The following NRG3 variants were observed in gnomAD, a reference collection of about 807,000 sequenced individuals.
The protein encoded by NRG3 is neuregulin 3.
Under a neutral mutation model 66.9 loss-of-function variants are expected in NRG3, and 31 were observed. The ratio of observed to expected loss-of-function variants is 0.46; its 90% CI spans 0.35 to 0.63. The LOEUF is 0.63. Ranked by LOEUF, NRG3 falls within the 20% of genes least tolerant of loss-of-function variation. The probability of loss-of-function intolerance (pLI) is 0.00; values close to 1 mark genes in which losing one functional copy is unlikely to be tolerated. For missense variants in NRG3, 910 were observed against 878.9 expected, an observed-to-expected ratio of 1.04 and a Z score of -0.45; for synonymous variants, 393 against 359.4, an observed-to-expected ratio of 1.09 and a Z score of -1.06.
At position 82,586,325 on chromosome 10, in the gene NRG3, G is replaced by C. The variant is rs79738620; in HGVS notation, c.954-152252G>C. Among the ~76,000 whole-genome samples, 745 of 151,778 alleles carry C rather than the reference G, an allele frequency of 4.9e-3. 2 individuals are homozygous for C. The highest frequency in any genetic ancestry group is 7.4e-3 in the Non-Finnish European group (500 of 67,956). On this transcript the variant is annotated intron_variant, in intron 2 of 8. Coordinates refer to ENST00000372141, the MANE Select transcript of NRG3 (RefSeq NM_001010848.4). ...TTTATTATCCTTGGGAGAAGACAAG[G>C]AGAAGCTGTTGGCTGTTTGATGCTC...
intron 2 of NRG3, among the ~76,000 whole-genome samples, chr10:82,496,430 A>T (rs953184114): frequency 6.6e-6 from 1 of 152,128 alleles, no homozygotes; most frequent in Non-Finnish European, 1.5e-5. Context: ...CTCTTTTCCC[A>T]TTTAAAAATT....
chr10:81,939,483 A>G (rs1182565891), intron 1 of NRG3, among the ~76,000 whole-genome samples: 1 of 151,460 alleles, frequency 6.6e-6, no homozygotes, highest in African/African-American at 2.4e-5. Context: ...TCATATTTTC[A>G]TGTTCAGTCT....
At chr10:82,814,254 C>A (rs942794696) in intron 3 of NRG3, among the ~76,000 whole-genome samples, 14 of 152,152 alleles carry the variant, frequency 9.2e-5, no homozygotes, top group African/African-American at 3.4e-4. Flanking sequence ...ATTGAGTTAA[C>A]TTTGGCAAAC....
chr10:82,879,597 G>A (rs1842127120), intron 4 of NRG3, among the ~76,000 whole-genome samples: 1 of 151,134 alleles, frequency 6.6e-6, no homozygotes, highest in East Asian at 2.0e-4. Flanking sequence ...CTCAGCCTCT[G>A]GAGTAGGTGG....
intron 4 of NRG3, among the ~76,000 whole-genome samples, chr10:82,935,510 C>A (rs2132207693): frequency 6.6e-6 from 1 of 152,238 alleles, no homozygotes; most frequent in South Asian, 2.1e-4. Context: ...ATGAGATAGA[C>A]CTATGAGCAC....
chr10:82,815,926 G>C (rs2061686532), intron 3 of NRG3, among the ~76,000 whole-genome samples: 2 of 152,188 alleles, frequency 1.3e-5, no homozygotes. Flanking sequence ...AGCTCCAGGC[G>C]CTAGCACACG....
At chr10:82,927,826 T>C (rs1181815296) in intron 4 of NRG3, among the ~76,000 whole-genome samples, 7 of 152,292 alleles carry the variant, frequency 4.6e-5, no homozygotes, top group Middle Eastern at 3.4e-3. Flanking sequence ...GTCTTTATAG[T>C]AGAGTGATTT....
At position 82,568,683 on chromosome 10, in the gene NRG3, GTTATT is replaced by G. The variant is rs1179847756; in HGVS notation, c.954-169893_954-169889del. Reference sequence around the variant, plus strand: ...GTCTAGCTCATTGTTAAGTGCTCCAGTTATTATTAAAGTGTATTCTGATTTTTTCA... The same window carrying G: ...GTCTAGCTCATTGTTAAGTGCTCCAGATTAAAGTGTATTCTGATTTTTTCA... On this transcript the variant is annotated intron_variant, in intron 2 of 8. Transcript: ENST00000372141. Among the ~76,000 whole-genome samples the G allele has an allele frequency of 5.3e-5, 8 of 151,772 alleles. No homozygotes were observed. In the Admixed American group the frequency reaches 5.3e-4, roughly 10 times the overall value.
chr10:82,418,458 GA>G (rs976349022), intron 2 of NRG3, among the ~76,000 whole-genome samples: 1 of 152,082 alleles, frequency 6.6e-6, no homozygotes, highest in Non-Finnish European at 1.5e-5. Context: ...TTATGCAAAT[GA>G]AAAGAGGAGG....
chr10:82,108,207 C>G (rs1177333701), intron 1 of NRG3, among the ~76,000 whole-genome samples: 1 of 152,212 alleles, frequency 6.6e-6, no homozygotes, highest in Admixed American at 6.5e-5. Context: ...GATTTAGACT[C>G]ATCTATGATA....
At chr10:82,723,926 G>A (rs1172766213) in intron 2 of NRG3, among the ~76,000 whole-genome samples, 1 of 151,956 alleles carries the variant, frequency 6.6e-6, no homozygotes, top group Admixed American at 6.6e-5. Flanking sequence ...GTTGCAGAGA[G>A]CTGAGATCAC....
chr10:82,534,050 G>C (rs1847569776), intron 2 of NRG3, among the ~76,000 whole-genome samples: 1 of 151,798 alleles, frequency 6.6e-6, no homozygotes, highest in African/African-American at 2.4e-5. Context: ...TAAAATCTTA[G>C]GAATAAACTT....
At chr10:82,130,628 A>G (rs1023871691) in intron 1 of NRG3, among the ~76,000 whole-genome samples, 2 of 152,010 alleles carry the variant, frequency 1.3e-5, no homozygotes, top group East Asian at 1.9e-4. Context: ...ATTGTTCTCT[A>G]TAGTTGTTGT....
Position 82,987,097 on chromosome 10 carries a change from T to A in NRG3, c.*1492T>A, listed in dbSNP as rs1589254398. On this transcript the variant is annotated 3_prime_UTR_variant, in exon 9 of 9. Coordinates refer to ENST00000372141, the MANE Select transcript of NRG3 (RefSeq NM_001010848.4). Reference sequence around the variant, plus strand: ...ATATGAGGAAATTAGTGTTCACATATCCAGTCTTTTTCCAATTATTGGTGG... The same window carrying A: ...ATATGAGGAAATTAGTGTTCACATAACCAGTCTTTTTCCAATTATTGGTGG... 1 of 152,206 alleles carries A rather than the reference T, an allele frequency of 6.6e-6. No individual in the cohort carries two copies. 9.4% of individuals were successfully genotyped at this position (152,206 alleles called of 1,614,324 possible). A position where few individuals can be genotyped will look rare whatever the true frequency, so the allele number is the denominator to read the frequency against.
chr10:82,753,773 C>T, intron 3 of NRG3, among the ~76,000 whole-genome samples: 1 of 151,722 alleles, frequency 6.6e-6, no homozygotes, highest in Non-Finnish European at 1.5e-5. Context: ...ATGGTGAAAC[C>T]CCGTCTTTAC....
intron 1 of NRG3, among the ~76,000 whole-genome samples, chr10:82,061,950 A>T (rs1356588413): frequency 2.0e-5 from 3 of 152,084 alleles, no homozygotes; most frequent in Non-Finnish European, 2.9e-5. Flanking sequence ...TTTAAAAGCA[A>T]TTATATATAG....
intron 1 of NRG3, among the ~76,000 whole-genome samples, chr10:82,139,891 G>C (rs1366470843): frequency 7.9e-6 from 1 of 126,836 alleles, no homozygotes; most frequent in Admixed American, 8.0e-5. Flanking sequence ...TCATATATTT[G>C]TATTTAGATG....
chr10:82,247,373 C>T (rs534265862), intron 1 of NRG3, among the ~76,000 whole-genome samples: 1 of 152,268 alleles, frequency 6.6e-6, no homozygotes, highest in East Asian at 1.9e-4. Context: ...AGACGGCCAC[C>T]TTCTCGCATG....
intron 4 of NRG3, among the ~76,000 whole-genome samples, chr10:82,929,480 A>G (rs1847341094): frequency 6.6e-6 from 1 of 152,186 alleles, no homozygotes; most frequent in Non-Finnish European, 1.5e-5. Flanking sequence ...TACTGGTTAA[A>G]TTTTATTCCA....
Sources: allele counts gnomAD v4.1 joint callset (sites outside exome capture counted in the v4.1 genomes callset), GRCh38; gene constraint gnomAD v4.1.1; transcripts MANE v1.5; gene names NCBI Gene and HGNC (gene_info 2026-07-23, HGNC 2026-07-21).